XRCC4: variants seen among roughly 807,000 people sequenced by gnomAD.
XRCC4 encodes the protein DNA repair protein XRCC4.
Under a neutral mutation model 39.1 loss-of-function variants are expected in XRCC4, and 28 were observed. That is an observed-to-expected ratio of 0.72 (90% confidence interval 0.53 to 0.98). XRCC4 has a LOEUF of 0.98. Among genes scored for constraint, XRCC4 ranks in the 50% least tolerant of loss-of-function variants. XRCC4 has a pLI of 0.00. For synonymous variants in XRCC4, 123 were observed against 126.4 expected (o/e 0.97, Z 0.18); for missense variants, 350 against 376.4 (o/e 0.93, Z 0.58).
At chr5:83,282,727 A>T (rs893218588) in intron 7 of XRCC4, among the ~76,000 whole-genome samples, 2 of 152,088 alleles carry the variant, frequency 1.3e-5, no homozygotes, top group African/African-American at 4.8e-5. Flanking sequence ...CTGTAGTCCC[A>T]ACTACTCGGG....
chr5:83,357,463 GA>G (rs1561490549), downstream of XRCC4, among the ~76,000 whole-genome samples: 1 of 152,094 alleles, frequency 6.6e-6, no homozygotes, highest in African/African-American at 2.4e-5. Context: ...GGGGGTTGGA[GA>G]GTGGGCTGAG....
At chr5:83,349,016 C>G (rs1475106157) in intron 7 of XRCC4, among the ~76,000 whole-genome samples, 5 of 152,166 alleles carry the variant, frequency 3.3e-5, no homozygotes, top group Admixed American at 6.5e-5. Flanking sequence ...ATATCACCAT[C>G]AGCATTTTGG....
intron 6 of XRCC4, among the ~76,000 whole-genome samples, chr5:83,206,329 C>G (rs1037340893): frequency 2.0e-5 from 3 of 152,090 alleles, no homozygotes; most frequent in Non-Finnish European, 4.4e-5. Flanking sequence ...GGAGCAGATT[C>G]TAGGTGTGCT....
intron 3 of XRCC4, among the ~76,000 whole-genome samples, chr5:83,181,037 T>C (rs577093772): frequency 1.3e-5 from 2 of 149,174 alleles, no homozygotes; most frequent in East Asian, 3.9e-4. Flanking sequence ...CTGTCCCTGA[T>C]TGTACTTTAA....
chr5:83,131,602 T>G (rs1313503070), intron 3 of XRCC4, among the ~76,000 whole-genome samples: 1 of 152,220 alleles, frequency 6.6e-6, no homozygotes, highest in Admixed American at 6.5e-5. Flanking sequence ...TTAGCTCTTC[T>G]TGTTGAATTG....
At chr5:83,266,845 A>T (rs1019961040) in intron 7 of XRCC4, among the ~76,000 whole-genome samples, 1 of 152,142 alleles carries the variant, frequency 6.6e-6, no homozygotes, top group Non-Finnish European at 1.5e-5. Flanking sequence ...CATTACCACC[A>T]TTATTGAATG....
At chr5:83,273,932 A>G (rs1754233768) in intron 7 of XRCC4, among the ~76,000 whole-genome samples, 1 of 151,284 alleles carries the variant, frequency 6.6e-6, no homozygotes, top group Admixed American at 6.6e-5. Flanking sequence ...TGGCCGTTAC[A>G]CCTTTTATTC....
chr5:83,106,536 G>C (rs1052714345), intron 2 of XRCC4, among the ~76,000 whole-genome samples: 17 of 151,856 alleles, frequency 1.1e-4, no homozygotes, highest in African/African-American at 4.1e-4. Flanking sequence ...ATAAAAATCA[G>C]TGATAATATG....
chr5:83,124,624 A>C (rs1039864705), intron 3 of XRCC4, among the ~76,000 whole-genome samples: 4 of 152,234 alleles, frequency 2.6e-5, no homozygotes, highest in African/African-American at 9.6e-5. Flanking sequence ...ATAAATTTTC[A>C]TTTATTTAGT....
chr5:83,151,936 C>T (rs995233690), intron 3 of XRCC4, among the ~76,000 whole-genome samples: 2 of 152,200 alleles, frequency 1.3e-5, no homozygotes, highest in Admixed American at 6.5e-5. Context: ...GCCTCCCCTA[C>T]TAAAACATCA....
At chr5:83,301,247 T>C (rs1337037086) in intron 7 of XRCC4, among the ~76,000 whole-genome samples, 1 of 152,222 alleles carries the variant, frequency 6.6e-6, no homozygotes, top group African/African-American at 2.4e-5. Flanking sequence ...ATCTGTTGTT[T>C]CCTGACTTTT....
downstream of XRCC4, among the ~76,000 whole-genome samples, chr5:83,354,129 T>G (rs186594062): frequency 6.6e-6 from 1 of 152,246 alleles, no homozygotes; most frequent in Non-Finnish European, 1.5e-5. Flanking sequence ...ATCCAGTGGT[T>G]GACCCATTCT....
chr5:83,134,633 T>TG (rs1186631615), intron 3 of XRCC4, among the ~76,000 whole-genome samples: 1 of 152,026 alleles, frequency 6.6e-6, no homozygotes, highest in African/African-American at 2.4e-5. Context: ...AGGATCAGGG[T>TG]GGGGCCAGAT....
rs527894974 is a variant in XRCC4 at position 83,119,467 on chromosome 5, C to T, written c.315+8264C>T. On this transcript the variant is annotated intron_variant, in intron 3 of 7. Coordinates refer to ENST00000396027, the MANE Select transcript of XRCC4 (RefSeq NM_003401.5). The stretch of plus-strand genomic sequence containing the variant: ...GTGAAGAAATCCCATTAAAAGTATA[C>T]GTTTTCTAGCTAAGCCATATATTAA... Among the ~76,000 whole-genome samples, 11 of 152,162 alleles carry T rather than the reference C, an allele frequency of 7.2e-5. No individual in the cohort carries two copies. The East Asian group carries it at 1.2e-3, about 16-fold the overall frequency.
intron 3 of XRCC4, among the ~76,000 whole-genome samples, chr5:83,134,454 A>C (rs569649334): frequency 5.5e-4 from 83 of 152,292 alleles, no homozygotes; most frequent in African/African-American, 1.8e-3. Context: ...TAAATGCACC[A>C]GTCAGCCCTC....
At chr5:83,160,262 A>C (rs1004323521) in intron 3 of XRCC4, among the ~76,000 whole-genome samples, 5 of 152,210 alleles carry the variant, frequency 3.3e-5, no homozygotes, top group African/African-American at 1.2e-4. Flanking sequence ...AAATTATTTG[A>C]GGGAATAAAG....
chr5:83,262,838 CTTT>C (rs72274529), intron 7 of XRCC4, among the ~76,000 whole-genome samples: 2 of 119,464 alleles, frequency 1.7e-5, no homozygotes, highest in South Asian at 2.6e-4. Flanking sequence ...TTATCACAGT[CTTT>C]TTTTTTTTTT....
chr5:83,332,342 T>C (rs1411919140), intron 7 of XRCC4, among the ~76,000 whole-genome samples: 1 of 152,130 alleles, frequency 6.6e-6, no homozygotes, highest in African/African-American at 2.4e-5. Flanking sequence ...ATGCAGTGTC[T>C]TTCAATCATT....
intron 3 of XRCC4, among the ~76,000 whole-genome samples, chr5:83,120,030 AAAAC>A (rs1432602019): frequency 5.2e-4 from 78 of 151,042 alleles, no homozygotes; most frequent in African/African-American, 1.2e-3. Flanking sequence ...AACAGAAACA[AAAAC>A]AAACAAACAA....
Sources: gnomAD v4.1 joint callset for allele counts (sites outside exome capture counted in the v4.1 genomes callset) on GRCh38, gnomAD v4.1.1 for gene constraint, MANE v1.5 for transcripts, NCBI Gene and HGNC (gene_info 2026-07-23, HGNC 2026-07-21) for gene names.